PCDHGB3: variants seen among roughly 807,000 people sequenced by gnomAD.
PCDHGB3 encodes protocadherin gamma-B3.
In PCDHGB3, 40 loss-of-function variants were observed where a neutral mutation model predicts 59.2. The observed-to-expected ratio is 0.68, with a 90% CI of 0.52 to 0.88. The LOEUF is 0.88. Among genes scored for constraint, PCDHGB3 ranks in the 40% least tolerant of loss-of-function variants. The pLI, the probability that PCDHGB3 is intolerant of heterozygous loss-of-function variation, is 0.00. For missense variants in PCDHGB3, 1,309 were observed against 1,187.9 expected, an observed-to-expected ratio of 1.10 and a Z score of -1.50; for synonymous variants, 581 against 503.6, an observed-to-expected ratio of 1.15 and a Z score of -2.06.
In PCDHGB3 at chr5:141,476,584, C is replaced by G. The variant is rs140544807; in HGVS notation, c.2416-18223C>G. ...TGGCTCCGGGGACGCGCTTTCCGCTCGAGAGCGCGCACGATCCCGATGTGG... is the reference window on the plus strand; with the variant it reads ...TGGCTCCGGGGACGCGCTTTCCGCTGGAGAGCGCGCACGATCCCGATGTGG... On this transcript the variant is annotated intron_variant, in intron 1 of 3. Coordinates refer to ENST00000576222, the MANE Select transcript of PCDHGB3 (RefSeq NM_018924.5). This position sits in a 1 kb window ranked among gnomAD's most constrained non-coding sequence, Gnocchi z 7.6. 1.2e-5 allele frequency: 19 copies of G among 1,614,100 alleles called. No homozygotes were observed. The African/African-American group carries it at 2.3e-4, about 19-fold the overall frequency.
intron 1 of PCDHGB3, chr5:141,396,533 T>A (rs942972836): frequency 2.0e-5 from 3 of 151,264 alleles, no homozygotes; most frequent in African/African-American, 7.3e-5. Flanking sequence ...GGCAGAAGAA[T>A]CACTTGAACC....
intron 1 of PCDHGB3, chr5:141,478,121 G>A (rs1393103666): frequency 1.2e-6 from 2 of 1,613,918 alleles, no homozygotes; most frequent in South Asian, 1.1e-5. Flanking sequence ...AGTAACCGAG[G>A]ACTCTCCTGA....
At chr5:141,390,349 T>C in intron 1 of PCDHGB3, 1 of 1,568,926 alleles carries the variant, frequency 6.4e-7, no homozygotes, top group South Asian at 1.2e-5. Flanking sequence ...CAAGAAAATA[T>C]ACATATTTGC....
At position 141,432,395 on chromosome 5, in the gene PCDHGB3, G is replaced by A; in HGVS notation, c.2415+59586G>A. 6.2e-7 allele frequency: 1 copy of A among 1,614,240 alleles called. No individual in the cohort carries two copies. ...CGGGCACCCGCCCCTCAGCAGCAAC[G>A]TGTCGTTGAGCCTGTTCGTGCTGGA... On this transcript the variant is annotated intron_variant, in intron 1 of 3. Coordinates refer to ENST00000576222, the MANE Select transcript of PCDHGB3 (RefSeq NM_018924.5). This position sits in a 1 kb window ranked among gnomAD's most constrained non-coding sequence, Gnocchi z 6.0.
chr5:141,433,347 CCTA>C, intron 1 of PCDHGB3: 1 of 626,716 alleles, frequency 1.6e-6, no homozygotes, highest in South Asian at 2.0e-5. Flanking sequence ...GTGCAAGCCA[CCTA>C]CTGTCTGCCT....
At chr5:141,422,500 G>A (rs762511271) in intron 1 of PCDHGB3, 1 of 1,614,008 alleles carries the variant, frequency 6.2e-7, no homozygotes, top group Non-Finnish European at 8.5e-7. Flanking sequence ...AACGTTGACA[G>A]CCACAGACCA....
At chr5:141,449,500 A>G (rs1034917703) in intron 1 of PCDHGB3, among the ~76,000 whole-genome samples, 6 of 151,300 alleles carry the variant, frequency 4.0e-5, no homozygotes, top group African/African-American at 1.5e-4. Flanking sequence ...GAGGCATGAG[A>G]AATGCTTGAA....
At chr5:141,400,332 T>TC (rs772688780) in intron 1 of PCDHGB3, 6 of 1,613,994 alleles carry the variant, frequency 3.7e-6, no homozygotes, top group South Asian at 3.3e-5. Flanking sequence ...GACCTGTGGT[T>TC]CCCCCCAACT....
rs562410567 is a variant in PCDHGB3 at position 141,413,096 on chromosome 5, G to A, written c.2415+40287G>A. On this transcript the variant is annotated intron_variant, in intron 1 of 3. Transcript: ENST00000576222. ...GCCCAGGCTACAGAGACACCCTGAA[G>A]CCACAGAAAGACAAAGGAACCGGTT... 25 of 1,445,574 alleles carry A rather than the reference G, an allele frequency of 1.7e-5. No homozygotes were observed. The African/African-American group carries it at 3.3e-4, about 19-fold the overall frequency. The allele number at this position is 1,445,574 out of a possible 1,614,324, so 89.5% of individuals were successfully genotyped here.
In PCDHGB3 at chr5:141,505,435, G is replaced by A. The variant is rs1274195652; in HGVS notation, c.2517G>A (p.Gln839=). The change falls in exon 3 of 4, where the codon CAG becomes CAA. Residue 839 remains glutamine, a synonymous_variant. Transcript: ENST00000576222. ...GDDTGTWPNN[Q]FDTEMLQAMI... is the part of the protein sequence containing the mutation. ...ACACCGGCACCTGGCCCAACAACCA[G>A]TTTGACACAGAGATGCTGCAAGCCA... 1 of 1,614,096 alleles carries A rather than the reference G, an allele frequency of 6.2e-7. No homozygotes were observed. Among genetic ancestry groups the A allele is most frequent in the African/African-American group, 1.3e-5 (1 of 74,936 alleles).
chr5:141,417,791 C>G, intron 1 of PCDHGB3: 1 of 1,482,658 alleles, frequency 6.7e-7, no homozygotes, highest in Non-Finnish European at 9.0e-7. Context: ...GCCGAATGCT[C>G]TTTTAGCGCG....
intron 1 of PCDHGB3, among the ~76,000 whole-genome samples, chr5:141,454,796 A>ATTTTTTTTTTTTTTTTTTTTTT (rs61612330): frequency 5.2e-5 from 4 of 77,456 alleles, no homozygotes; most frequent in Non-Finnish European, 7.0e-5. Context: ...CATGGTTCTA[A>ATTTTTTTTTTTTTTTTTTTTTT]TTTTTTTTTT....
chr5:141,408,839 A>T (rs1296339131), intron 1 of PCDHGB3: 24 of 1,613,642 alleles, frequency 1.5e-5, no homozygotes, highest in Non-Finnish European at 2.0e-5. Context: ...CTTGATATTG[A>T]CTGCCTTGGA....
At position 141,472,488 on chromosome 5, in the gene PCDHGB3, C is replaced by T. The variant is rs183545662; in HGVS notation, c.2416-22319C>T. 4.0e-3 allele frequency among the ~76,000 whole-genome samples: 607 copies of T among 151,768 alleles called. 6 individuals carry two copies. The highest frequency in any genetic ancestry group is 0.011 in the Admixed American group (174 of 15,254). On this transcript the variant is annotated intron_variant, in intron 1 of 3. Coordinates refer to ENST00000576222, the MANE Select transcript of PCDHGB3 (RefSeq NM_018924.5). Reference sequence around the variant, plus strand: ...CCAGAAGGCAGAGCTTGCAGTGAGACGAGATCGTGCCACTGCACTCCAGCC... The same window carrying T: ...CCAGAAGGCAGAGCTTGCAGTGAGATGAGATCGTGCCACTGCACTCCAGCC...
chr5:141,374,093 C>G (rs1039229802), intron 1 of PCDHGB3: 2 of 1,554,704 alleles, frequency 1.3e-6, no homozygotes, highest in South Asian at 1.2e-5. Context: ...AATGGCGCCT[C>G]CGCAGAGGCA....
chr5:141,393,272 A>G, intron 1 of PCDHGB3: 1 of 1,613,892 alleles, frequency 6.2e-7, no homozygotes, highest in Non-Finnish European at 8.5e-7. Context: ...CACGTTATCC[A>G]CTCCCAGAAG....
At position 141,447,667 on chromosome 5, in the gene PCDHGB3, G is replaced by A. The variant is rs115529144; in HGVS notation, c.2416-47140G>A. 2.4e-3 allele frequency among the ~76,000 whole-genome samples: 372 copies of A among 152,278 alleles called. 2 individuals are homozygous for A. Among genetic ancestry groups the A allele is most frequent in the African/African-American group, 8.6e-3 (358 of 41,546 alleles). The stretch of plus-strand genomic sequence containing the variant: ...TAGAATTTTCCCCCCCAGGAAGTTA[G>A]AACTGTTCCATATCTTGATAGAGGG... On this transcript the variant is annotated intron_variant, in intron 1 of 3. Transcript: ENST00000576222.
chr5:141,375,886 C>G lies in PCDHGB3; in HGVS notation c.2415+3077C>G, dbSNP rs1772014955. The G allele has an allele frequency of 1.2e-6, 2 of 1,613,822 alleles. No homozygotes were observed. Among genetic ancestry groups the G allele is most frequent in the Non-Finnish European group, 8.5e-7 (1 of 1,180,024 alleles). On this transcript the variant is annotated intron_variant, in intron 1 of 3. Coordinates refer to ENST00000576222, the MANE Select transcript of PCDHGB3 (RefSeq NM_018924.5). ...CGGTGGACAGAGACTCGGGCCAGAACGCCTGGCTGTCCTACCGCCTGCTCA... is the reference window on the plus strand; with the variant it reads ...CGGTGGACAGAGACTCGGGCCAGAAGGCCTGGCTGTCCTACCGCCTGCTCA...
chr5:141,492,425 C>T (rs1243599547), intron 1 of PCDHGB3, among the ~76,000 whole-genome samples: 1 of 152,254 alleles, frequency 6.6e-6, no homozygotes, highest in Non-Finnish European at 1.5e-5. Flanking sequence ...CTCCGCCGGG[C>T]TCAGGAGTAC....
Sources: gnomAD v4.1 joint callset for allele counts (sites outside exome capture counted in the v4.1 genomes callset) on GRCh38, gnomAD v4.1.1 for gene constraint, Gnocchi (gnomAD v3.1) non-coding constraint, MANE v1.5 for transcripts, NCBI Gene and HGNC (gene_info 2026-07-23, HGNC 2026-07-21) for gene names.